Variants in PDCD10 observed in about 807,000 individuals in gnomAD.
The protein encoded by PDCD10 is programmed cell death protein 10.
In PDCD10, 4 loss-of-function variants were observed where a neutral mutation model predicts 29.2. The observed-to-expected ratio is 0.14, with a 90% confidence interval of 0.07 to 0.31. The LOEUF is 0.31. Ranked by LOEUF, PDCD10 falls within the 10% of genes least tolerant of loss-of-function variation. PDCD10 has a pLI of 1.00. For missense variants in PDCD10, 183 were observed against 257.9 expected (o/e 0.71, Z 1.99); for synonymous variants, 70 against 82.2 (o/e 0.85, Z 0.80).
intron 3 of PDCD10, among the ~76,000 whole-genome samples, chr3:167,717,027 A>C (rs1049238230): frequency 6.6e-6 from 1 of 151,990 alleles, no homozygotes; most frequent in African/African-American, 2.4e-5. Context: ...GTTTCCAGAA[A>C]TCCATTATTC....
Position 167,687,333 on chromosome 3 carries a change from T to G in PDCD10, c.475-17A>C. 1 of 1,377,952 alleles carries G rather than the reference T, an allele frequency of 7.3e-7. No individual in the cohort carries two copies. The highest frequency in any genetic ancestry group is 1.0e-6 in the Non-Finnish European group (1 of 966,012). The allele number at this position is 1,377,952 out of a possible 1,614,324, so 85.4% of individuals were successfully genotyped here. On this transcript the variant is annotated splice_polypyrimidine_tract_variant and intron_variant, in intron 7 of 8. Transcript: ENST00000392750. ...TTCAAGTGCCTACAGTCACAAAATA[T>G]AATAAGAAATAAAGTACTAAATAAG...
intron 4 of PDCD10, chr3:167,697,951 A>C (rs960181154): frequency 4.4e-6 from 2 of 456,514 alleles, no homozygotes; most frequent in African/African-American, 4.0e-5. Context: ...TTTAATCATT[A>C]TGCTGATGAT....
Position 167,734,211 on chromosome 3 carries a change from T to C in PDCD10, c.-117+3A>G, listed in dbSNP as rs1458988471. The C allele has an allele frequency of 1.3e-5, 2 of 152,158 alleles. No homozygotes were observed. The highest frequency in any genetic ancestry group is 6.5e-5 in the Admixed American group (1 of 15,278). 9.4% of individuals were successfully genotyped at this position (152,158 alleles called of 1,614,324 possible). A position where few individuals can be genotyped will look rare whatever the true frequency, so the allele number is the denominator to read the frequency against. On this transcript the variant is annotated splice_donor_region_variant and intron_variant, in intron 2 of 8. Transcript: ENST00000392750. ...TGAAAGCAGTAAAGGAGTAAAAACA[T>C]ACCTTAGGTATGACACCTAAGAGGG...
intron 3 of PDCD10, among the ~76,000 whole-genome samples, chr3:167,707,392 A>T (rs1370917802): frequency 6.6e-6 from 1 of 152,156 alleles, no homozygotes; most frequent in Non-Finnish European, 1.5e-5. Flanking sequence ...GAATAAACAC[A>T]GTAAGGCTGG....
At chr3:167,721,883 A>G (rs1349824623) in intron 2 of PDCD10, among the ~76,000 whole-genome samples, 1 of 152,200 alleles carries the variant, frequency 6.6e-6, no homozygotes, top group Non-Finnish European at 1.5e-5. Flanking sequence ...TGGAGGAAGA[A>G]TAACGACAAG....
chr3:167,719,916 A>G, intron 3 of PDCD10, 146 bp downstream of exon 3: 1 of 688,424 alleles, frequency 1.5e-6, no homozygotes, highest in South Asian at 1.5e-5. Flanking sequence ...TGTTTTCACT[A>G]TTTTTTGCCC....
At chr3:167,687,884 C>A (rs778672630) in intron 6 of PDCD10, among the ~76,000 whole-genome samples, 191 bp from the exon 7 acceptor site, 5 of 152,146 alleles carry the variant, frequency 3.3e-5, no homozygotes, top group Non-Finnish European at 5.9e-5. Context: ...GGGATTTTAG[C>A]CTATACCCCT....
At chr3:167,712,648 AACTAG>A (rs1233676394) in intron 3 of PDCD10, among the ~76,000 whole-genome samples, 2 of 152,058 alleles carry the variant, frequency 1.3e-5, no homozygotes, top group African/African-American at 4.8e-5. Flanking sequence ...GAATGGACTA[AACTAG>A]TCAAAAGAAA....
intron 3 of PDCD10, among the ~76,000 whole-genome samples, chr3:167,706,249 T>C (rs1214558876): frequency 6.6e-6 from 1 of 152,346 alleles, no homozygotes; most frequent in East Asian, 1.9e-4. Flanking sequence ...GTCAGACATA[T>C]ACTAAATCAA....
intron 2 of PDCD10, among the ~76,000 whole-genome samples, chr3:167,727,312 G>GC (rs1724292428): frequency 6.6e-6 from 1 of 152,174 alleles, no homozygotes; most frequent in African/African-American, 2.4e-5. Flanking sequence ...ATATTTCAAA[G>GC]CAACTTGTTC....
chr3:167,721,976 T>C (rs1221880378), intron 2 of PDCD10, among the ~76,000 whole-genome samples: 3 of 152,124 alleles, frequency 2.0e-5, no homozygotes, highest in African/African-American at 7.2e-5. Context: ...TAAATACCAA[T>C]TGTGGCCCTG....
chr3:167,715,711 G>C (rs987240756), intron 3 of PDCD10, among the ~76,000 whole-genome samples: 1 of 151,810 alleles, frequency 6.6e-6, no homozygotes, highest in African/African-American at 2.4e-5. Context: ...CTACAATGTG[G>C]TATCACCTCA....
intron 4 of PDCD10, among the ~76,000 whole-genome samples, chr3:167,702,745 GTTTC>G (rs1327308358): frequency 1.3e-5 from 2 of 152,170 alleles, no homozygotes; most frequent in East Asian, 1.9e-4. Context: ...GACTGGTGAG[GTTTC>G]TTTCATCTTT....
At chr3:167,702,434 C>T (rs1467026451) in intron 4 of PDCD10, among the ~76,000 whole-genome samples, 1 of 152,150 alleles carries the variant, frequency 6.6e-6, no homozygotes, top group Admixed American at 6.5e-5. Flanking sequence ...ATAGGATACA[C>T]AAAACATATG....
intron 2 of PDCD10, among the ~76,000 whole-genome samples, chr3:167,722,348 G>C (rs987380142): frequency 2.0e-5 from 3 of 152,126 alleles, no homozygotes; most frequent in Non-Finnish European, 2.9e-5. Flanking sequence ...CCCATTAAAC[G>C]TGTTTTATAA....
In PDCD10 at chr3:167,684,317, A is replaced by G. The variant is rs1002741108; in HGVS notation, c.630T>C (p.Thr210=). 6 of 1,584,024 alleles carry G rather than the reference A, an allele frequency of 3.8e-6. No homozygotes were observed. The highest frequency in any genetic ancestry group is 5.2e-6 in the Non-Finnish European group (6 of 1,152,850). ...TTAACATATACAACTTTCAGGCCACAGTTTTGAAGGTCTGAAGTATTAAGT... is the reference window on the plus strand; with the variant it reads ...TTAACATATACAACTTTCAGGCCACGGTTTTGAAGGTCTGAAGTATTAAGT... ...QTNLILQTFK[T]VA is the part of the protein sequence containing the mutation. The change falls in exon 9 of 9, where the codon ACT becomes ACC. Residue 210 remains threonine (T), a synonymous_variant. Coordinates refer to ENST00000392750, the MANE Select transcript of PDCD10 (RefSeq NM_007217.4).
At chr3:167,721,480 C>T (rs6444570) in intron 2 of PDCD10, among the ~76,000 whole-genome samples, 34,870 of 152,096 alleles carry the variant, frequency 0.23, 4,205 homozygotes, top group Non-Finnish European at 0.26. Flanking sequence ...TTTAACACTG[C>T]TAGGTATGAA....
chr3:167,729,369 A>G (rs564742105), intron 2 of PDCD10, among the ~76,000 whole-genome samples: 1 of 152,296 alleles, frequency 6.6e-6, no homozygotes, highest in African/African-American at 2.4e-5. Flanking sequence ...TTTAAGACAT[A>G]ACTGCTCTGT....
At chr3:167,707,892 A>C (rs778842275) in intron 3 of PDCD10, among the ~76,000 whole-genome samples, 10 of 152,118 alleles carry the variant, frequency 6.6e-5, no homozygotes, top group Non-Finnish European at 1.0e-4. Flanking sequence ...AGTAAGAGAA[A>C]ATAAGAGAAT....
Sources: gnomAD v4.1 joint callset for allele counts (sites outside exome capture counted in the v4.1 genomes callset) on GRCh38, gnomAD v4.1.1 for gene constraint, MANE v1.5 for transcripts, NCBI Gene and HGNC (gene_info 2026-07-23, HGNC 2026-07-21) for gene names.